The following FNTB variants were observed in gnomAD, a reference collection of about 807,000 sequenced individuals.
FNTB encodes the protein protein farnesyltransferase subunit beta.
FNTB carries 27 observed loss-of-function variants against 59.4 expected under a neutral mutation model. The observed-to-expected ratio is 0.45, with a 90% CI of 0.34 to 0.63. The LOEUF (loss-of-function observed/expected upper bound fraction) is 0.63, where lower values mean the gene tolerates loss of function less well. Ranked by LOEUF, FNTB falls within the 20% of genes least tolerant of loss-of-function variation. FNTB has a pLI of 0.02. For missense variants in FNTB, 449 were observed against 559.6 expected, an observed-to-expected ratio of 0.80 and a Z score of 1.99; for synonymous variants, 230 against 220.7, an observed-to-expected ratio of 1.04 and a Z score of -0.37.
chr14:65,035,708 A>C (rs1260748528), intron 7 of FNTB, among the ~76,000 whole-genome samples: 1 of 151,816 alleles, frequency 6.6e-6, no homozygotes, highest in East Asian at 1.9e-4. Flanking sequence ...GTTTAAAAAA[A>C]AAATTTGTAG....
At position 65,034,218 on chromosome 14, in the gene FNTB, C is replaced by A. The variant is rs1013863836; in HGVS notation, c.692+1522C>A. On this transcript the variant is annotated intron_variant, in intron 7 of 11. Coordinates refer to ENST00000246166, the MANE Select transcript of FNTB (RefSeq NM_002028.4). ...GAGCCCTCTGCCCTCCTGCTTCAGT[C>A]TGGACAGATTGCTCTCAGCTTGCTA... Among the ~76,000 whole-genome samples the A allele has an allele frequency of 2.0e-5, 3 of 152,210 alleles. No individual in the cohort carries two copies. In the East Asian group the frequency reaches 5.8e-4, roughly 29 times the overall value.
In FNTB at chr14:65,027,394, T is replaced by G. The variant is rs771351397; in HGVS notation, c.375-59T>G. ...GAAAGGCCTGGAATCTAGTGGGAAT[T>G]TGGTGTTTTGACATGAATGCTCTCT... On this transcript the variant is annotated intron_variant, in intron 4 of 11. Coordinates refer to ENST00000246166, the MANE Select transcript of FNTB (RefSeq NM_002028.4). The surrounding 1 kb of genome is among the most constrained non-coding windows in gnomAD (Gnocchi z 5.7). The G allele has an allele frequency of 7.5e-5, 120 of 1,597,248 alleles. No homozygotes were observed. The highest frequency in any genetic ancestry group is 9.8e-5 in the Non-Finnish European group (115 of 1,170,766).
In FNTB at chr14:65,054,747, C is replaced by T. The variant is rs1375324918; in HGVS notation, c.1182+58C>T. The T allele has an allele frequency of 6.5e-7, 1 of 1,530,770 alleles. No individual in the cohort carries two copies. Among genetic ancestry groups the T allele is most frequent in the Admixed American group, 2.0e-5 (1 of 51,168 alleles). 94.8% of individuals were successfully genotyped at this position (1,530,770 alleles called of 1,614,324 possible). ...CCACAGGGACCTCGCGGACAGAAGG[C>T]TTTCCAAGTAAGCAGAACTGGCTCT... On this transcript the variant is annotated intron_variant, in intron 11 of 11. Transcript: ENST00000246166. This position sits in a 1 kb window ranked among gnomAD's most constrained non-coding sequence, Gnocchi z 4.4.
rs1441917216 is a variant in FNTB, at chr14:65,058,951, C to T, written c.1183-2230C>T. Among the ~76,000 whole-genome samples, 3 of 152,246 alleles carry T rather than the reference C, an allele frequency of 2.0e-5. No homozygotes were observed. The South Asian group carries it at 6.2e-4, about 32-fold the overall frequency. On this transcript the variant is annotated intron_variant, in intron 11 of 11. Coordinates refer to ENST00000246166, the MANE Select transcript of FNTB (RefSeq NM_002028.4). The stretch of plus-strand genomic sequence containing the variant: ...TAAAATTTTATTGTATTGTCCTTTT[C>T]CAGTGTTTCAGGATAATATCATAGC...
Position 64,993,185 on chromosome 14 carries a change from T to G in FNTB, c.144+6088T>G, listed in dbSNP as rs1888269761. Among the ~76,000 whole-genome samples, 5 of 152,162 alleles carry G rather than the reference T, an allele frequency of 3.3e-5. 1 individual carries two copies. The South Asian group carries it at 1.0e-3, about 31-fold the overall frequency. On this transcript the variant is annotated intron_variant, in intron 1 of 11. Transcript: ENST00000246166. ...TGACTGATGCCTGTAATCCTGGCAC[T>G]TTGGAAGGCCAAGTGGGTGGATAGC... is the stretch of plus-strand genomic sequence containing the variant.
At chr14:64,987,398 C>T (rs570590771) in intron 1 of FNTB, 6 of 457,658 alleles carry the variant, frequency 1.3e-5, no homozygotes, top group Non-Finnish European at 2.4e-5. Context: ...CAGAGGCAGC[C>T]CGTGCGGGTC....
intron 10 of FNTB, among the ~76,000 whole-genome samples, chr14:65,053,625 T>TA (rs201558638): frequency 1.8e-4 from 27 of 146,292 alleles, no homozygotes; most frequent in East Asian, 1.8e-3. Context: ...CTTCTTTTTT[T>TA]TAAAAAAAAC....
intron 7 of FNTB, 112 bp from the exon 8 acceptor site, chr14:65,040,678 A>T: frequency 9.3e-7 from 1 of 1,079,804 alleles, no homozygotes; most frequent in Non-Finnish European, 1.2e-6. Flanking sequence ...CATAGTTGTG[A>T]TGGTTCACAC....
chr14:65,020,872 CA>C (rs2061873968), intron 4 of FNTB, among the ~76,000 whole-genome samples: 2 of 151,422 alleles, frequency 1.3e-5, no homozygotes, highest in African/African-American at 4.9e-5. Context: ...GCTAGGATTA[CA>C]GGGGTGTGCC....
rs1357343587 is a variant in FNTB, at chr14:65,029,199, G to A, written c.605+1418G>A. Among the ~76,000 whole-genome samples the A allele has an allele frequency of 6.6e-6, 1 of 152,200 alleles. No homozygotes were observed. The highest frequency in any genetic ancestry group is 1.5e-5 in the Non-Finnish European group (1 of 68,038). ...TACATAAAGGATTAAAGATATGAAT[G>A]ATAGAGAAAAGCTAGCAGATTGCAT... On this transcript the variant is annotated intron_variant, in intron 6 of 11. Coordinates refer to ENST00000246166, the MANE Select transcript of FNTB (RefSeq NM_002028.4). The surrounding 1 kb of genome is among the most constrained non-coding windows in gnomAD (Gnocchi z 4.7).
In FNTB at chr14:65,027,510, C is replaced by T. The variant is rs199719600; in HGVS notation, c.432C>T (p.Pro144=). Residue 144 remains proline, a synonymous_variant, in exon 5 of 12, where the codon CCC becomes CCT. Coordinates refer to ENST00000246166, the MANE Select transcript of FNTB (RefSeq NM_002028.4). This position sits in a 1 kb window ranked among gnomAD's most constrained non-coding sequence, Gnocchi z 5.7. ...CAGAAGGTGGCTTTGGAGGAGGACC[C>T]GGTCAGTATCCACACCTTGCACCCA... ...QSPEGGFGGG[P]GQYPHLAPTY... 9.9e-6 allele frequency: 16 copies of T among 1,614,142 alleles called. No homozygotes were observed. The highest frequency in any genetic ancestry group is 7.7e-5 in the South Asian group (7 of 91,088).
At position 65,037,402 on chromosome 14, in the gene FNTB, CCTTTTTTTTTTTTT is replaced by C. The variant is rs2062220736; in HGVS notation, c.693-3387_693-3374del. 2.0e-3 allele frequency among the ~76,000 whole-genome samples: 29 copies of C among 14,534 alleles called. 10 individuals are homozygous for C. The highest frequency in any genetic ancestry group is 9.6e-3 in the East Asian group (6 of 628). 9.5% of individuals were successfully genotyped at this position (14,534 alleles called of 152,430 possible). A position where few individuals can be genotyped will look rare whatever the true frequency, so the allele number is the denominator to read the frequency against. ...ATAGGCGTGAGCCACCACGCCGGGC[CCTTTTTTTTTTTTT>C]TTTTTTTTTTTTTTTTTTTTTTTTT... On this transcript the variant is annotated intron_variant, in intron 7 of 11. Transcript: ENST00000246166.
intron 11 of FNTB, among the ~76,000 whole-genome samples, chr14:65,055,031 A>G (rs764964425): frequency 6.6e-6 from 1 of 152,234 alleles, no homozygotes; most frequent in African/African-American, 2.4e-5. Context: ...GGCTCGTGAT[A>G]GCACTGCAGC....
chr14:65,006,156 C>CTTTTTTTTTTTTTTTTTTTTTTTTTTTTT, intron 2 of FNTB: 1 of 1,500,752 alleles, frequency 6.7e-7, no homozygotes, highest in Non-Finnish European at 8.9e-7. Context: ...ACCTTTGTGT[C>CTTTTTTTTTTTTTTTTTTTTTTTTTTTTT]TTTTTTTTTT....
chr14:65,011,694 G>A lies in FNTB; in HGVS notation c.210-623G>A, dbSNP rs887253088. ...CCGGCCTGTGCAGGTGGCCATGGGCGGCACATTCCATCTTAAAGCCAGTAT... is the reference window on the plus strand; with the variant it reads ...CCGGCCTGTGCAGGTGGCCATGGGCAGCACATTCCATCTTAAAGCCAGTAT... On this transcript the variant is annotated intron_variant, in intron 2 of 11. Transcript: ENST00000246166. This position sits in a 1 kb window ranked among gnomAD's most constrained non-coding sequence, Gnocchi z 4.0. Among the ~76,000 whole-genome samples, 6 of 152,214 alleles carry A rather than the reference G, an allele frequency of 3.9e-5. No homozygotes were observed. The highest frequency in any genetic ancestry group is 6.5e-5 in the Admixed American group (1 of 15,282).
rs1291213166 is a variant in FNTB at position 65,028,292 on chromosome 14, G to A, written c.605+511G>A. On this transcript the variant is annotated intron_variant, in intron 6 of 11. Coordinates refer to ENST00000246166, the MANE Select transcript of FNTB (RefSeq NM_002028.4). This position sits in a 1 kb window ranked among gnomAD's most constrained non-coding sequence, Gnocchi z 4.4. ...TGCAATAAAATCGCATTAACTGATT[G>A]GTGCCAGTTAGCTCGAAATTATTAT... Among the ~76,000 whole-genome samples, 2 of 152,152 alleles carry A rather than the reference G, an allele frequency of 1.3e-5. No individual in the cohort carries two copies. Among genetic ancestry groups the A allele is most frequent in the African/African-American group, 4.8e-5 (2 of 41,426 alleles).
At chr14:65,005,449 T>TTTTCTTTC (rs71123898) in intron 2 of FNTB, among the ~76,000 whole-genome samples, 5,965 of 119,824 alleles carry the variant, frequency 0.05, 248 homozygotes, top group Non-Finnish European at 0.064. Flanking sequence ...TCTTCCTTTC[T>TTTTCTTTC]TTTCTTTCTT....
intron 1 of FNTB, chr14:65,003,903 A>T (rs938546625): frequency 6.1e-6 from 1 of 164,190 alleles, no homozygotes; most frequent in Admixed American, 6.4e-5. Flanking sequence ...CTGTTGAGGC[A>T]TATTTTGGGG....
chr14:65,030,279 A>C lies in FNTB; in HGVS notation c.606-2331A>C, dbSNP rs150881916. ...GTAGATGATCACATTTGGCATTGGCACTTGTGACTCTTGTGTGCTCCCAAT... is the reference window on the plus strand; with the variant it reads ...GTAGATGATCACATTTGGCATTGGCCCTTGTGACTCTTGTGTGCTCCCAAT... On this transcript the variant is annotated intron_variant, in intron 6 of 11. Transcript: ENST00000246166. This position sits in a 1 kb window ranked among gnomAD's most constrained non-coding sequence, Gnocchi z 4.5. Among the ~76,000 whole-genome samples, 41 of 152,342 alleles carry C rather than the reference A, an allele frequency of 2.7e-4. No homozygotes were observed. The East Asian group carries it at 7.7e-3, about 29-fold the overall frequency.
Sources: allele counts gnomAD v4.1 joint callset (sites outside exome capture counted in the v4.1 genomes callset), GRCh38; gene constraint gnomAD v4.1.1; non-coding constraint Gnocchi (gnomAD v3.1); transcripts MANE v1.5; gene names NCBI Gene and HGNC (gene_info 2026-07-23, HGNC 2026-07-21).